CAST: variants seen among roughly 807,000 people sequenced by gnomAD.
CAST encodes the protein MIR583 host.
Under a neutral mutation model 119.6 loss-of-function variants are expected in CAST, and 76 were observed. That is an observed-to-expected ratio of 0.64 (90% CI 0.53 to 0.77). CAST has a LOEUF of 0.77. Among genes scored for constraint, CAST ranks in the 30% least tolerant of loss-of-function variants. The pLI, the probability that CAST is intolerant of heterozygous loss-of-function variation, is 0.00. For missense variants in CAST, 953 were observed against 946.5 expected (o/e 1.01, Z -0.09); for synonymous variants, 319 against 331.6 (o/e 0.96, Z 0.41).
the CAST span, among the ~76,000 whole-genome samples, chr5:96,365,354 G>C: frequency 6.6e-6 from 1 of 152,186 alleles, no homozygotes; most frequent in Admixed American, 6.5e-5. Flanking sequence ...TTGGTGCAGA[G>C]CTGAGTTCAA....
At chr5:96,334,434 A>G in the CAST span, among the ~76,000 whole-genome samples, 1 of 152,086 alleles carries the variant, frequency 6.6e-6, no homozygotes, top group Non-Finnish European at 1.5e-5. Context: ...GGTTCTCACT[A>G]CTGGGAAACT....
chr5:96,157,955 G>A, the CAST span, among the ~76,000 whole-genome samples: 8 of 152,102 alleles, frequency 5.3e-5, no homozygotes, highest in East Asian at 1.9e-4. Context: ...CATTTGTTCC[G>A]TGTATGATCT....
chr5:96,294,484 G>A, the CAST span, among the ~76,000 whole-genome samples: 7 of 152,304 alleles, frequency 4.6e-5, no homozygotes, highest in African/African-American at 1.7e-4. Flanking sequence ...TCACTGTAAT[G>A]TCCAGGAAGT....
At chr5:96,012,499 C>A in the CAST span, among the ~76,000 whole-genome samples, 2 of 152,140 alleles carry the variant, frequency 1.3e-5, no homozygotes, top group African/African-American at 2.4e-5. Context: ...AACATATGGT[C>A]TGAAGTCTTT....
the CAST span, among the ~76,000 whole-genome samples, chr5:96,230,854 G>A: frequency 2.6e-5 from 4 of 152,060 alleles, no homozygotes; most frequent in Non-Finnish European, 5.9e-5. Flanking sequence ...TTTCTTTAAC[G>A]AAGATTTACA....
At chr5:96,414,896 A>C in the CAST span, among the ~76,000 whole-genome samples, 5 of 152,332 alleles carry the variant, frequency 3.3e-5, no homozygotes, top group Admixed American at 3.3e-4. Flanking sequence ...AGAGTGCCCT[A>C]TATTCATGAA....
the CAST span, among the ~76,000 whole-genome samples, chr5:96,375,469 T>A: frequency 6.6e-6 from 1 of 151,784 alleles, no homozygotes. Context: ...TTTACTCTTA[T>A]GAGTTTACTA....
the CAST span, chr5:96,410,924 A>G: frequency 6.2e-6 from 10 of 1,613,844 alleles, no homozygotes; most frequent in South Asian, 1.1e-5. Context: ...AGTCACAATT[A>G]TCTCCCTGAC....
chr5:96,661,423 A>G (rs1156934761), upstream of CAST, among the ~76,000 whole-genome samples: 2 of 33,956 alleles, frequency 5.9e-5, no homozygotes, highest in African/African-American at 3.3e-4. Flanking sequence ...TCTCCAGAAA[A>G]AAAAAAAAAA....
At chr5:96,646,499 A>C (rs1748015757) in intron 1 of CAST, among the ~76,000 whole-genome samples, 1 of 152,258 alleles carries the variant, frequency 6.6e-6, no homozygotes, top group South Asian at 2.1e-4. Context: ...TAAATGAAAA[A>C]GGCAATGTGA....
At chr5:96,003,406 C>T in the CAST span, among the ~76,000 whole-genome samples, 1 of 151,724 alleles carries the variant, frequency 6.6e-6, no homozygotes, top group Non-Finnish European at 1.5e-5. Flanking sequence ...GGTGTGGTGG[C>T]GGGCGCCTGT....
At chr5:96,479,865 T>A in the CAST span, among the ~76,000 whole-genome samples, 1 of 151,440 alleles carries the variant, frequency 6.6e-6, no homozygotes, top group Non-Finnish European at 1.5e-5. Flanking sequence ...TAAAGAAGAG[T>A]AATATTTTAA....
chr5:96,518,501 C>T, the CAST span, among the ~76,000 whole-genome samples: 1 of 152,204 alleles, frequency 6.6e-6, no homozygotes, highest in East Asian at 1.9e-4. Flanking sequence ...TGAATTGACT[C>T]AAGGGTGGGA....
chr5:96,367,917 A>G, the CAST span, among the ~76,000 whole-genome samples: 7 of 151,998 alleles, frequency 4.6e-5, no homozygotes, highest in Non-Finnish European at 1.0e-4. Flanking sequence ...TGCATCGCTC[A>G]TGCTGAGAGC....
chr5:96,528,270 C>G (rs1003267884), upstream of CAST, among the ~76,000 whole-genome samples: 3 of 152,098 alleles, frequency 2.0e-5, no homozygotes, highest in African/African-American at 4.8e-5. Flanking sequence ...TAAGCTTAGC[C>G]AGAGCATGTT....
intron 1 of CAST, among the ~76,000 whole-genome samples, chr5:96,620,440 G>A (rs532849389): frequency 5.3e-5 from 8 of 152,086 alleles, no homozygotes; most frequent in Non-Finnish European, 1.0e-4. Context: ...TTCTTGTGGT[G>A]CTGGGCAGCA....
the CAST span, among the ~76,000 whole-genome samples, chr5:96,083,286 T>G: frequency 3.3e-5 from 5 of 152,210 alleles, no homozygotes; most frequent in East Asian, 9.6e-4. Flanking sequence ...ATAAAAATAC[T>G]CTGAAGCACG....
chr5:96,662,335 C>T, upstream of CAST: 1 of 982,260 alleles, frequency 1.0e-6, no homozygotes, highest in Non-Finnish European at 1.3e-6. Context: ...CTCCCTCCCT[C>T]CCTCTCTCCC....
chr5:96,445,577 T>C, the CAST span, among the ~76,000 whole-genome samples: 1 of 152,176 alleles, frequency 6.6e-6, no homozygotes, highest in African/African-American at 2.4e-5. Flanking sequence ...TCTTCATAGA[T>C]TTTAAAAAAT....
Sources: gnomAD v4.1 joint callset for allele counts (sites outside exome capture counted in the v4.1 genomes callset) on GRCh38, gnomAD v4.1.1 for gene constraint, MANE v1.5 for transcripts, NCBI Gene and HGNC (gene_info 2026-07-23, HGNC 2026-07-21) for gene names.